The following DHX32 variants were observed in gnomAD, a reference collection of about 807,000 sequenced individuals.
The protein encoded by DHX32 is putative pre-mRNA-splicing factor ATP-dependent RNA helicase DHX32.
Under a neutral mutation model 70.0 loss-of-function variants are expected in DHX32, and 51 were observed. That is an observed-to-expected ratio of 0.73 (90% CI 0.58 to 0.92). The LOEUF is 0.92. Ranked by LOEUF, DHX32 falls within the 40% of genes least tolerant of loss-of-function variation. The probability of loss-of-function intolerance (pLI) is 0.00; values close to 1 mark genes in which losing one functional copy is unlikely to be tolerated. For missense variants in DHX32, 762 were observed against 891.8 expected, an observed-to-expected ratio of 0.85 and a Z score of 1.85; for synonymous variants, 310 against 315.3, an observed-to-expected ratio of 0.98 and a Z score of 0.18.
chr10:125,837,501 C>T (rs908781867), intron 10 of DHX32, among the ~76,000 whole-genome samples: 4 of 152,186 alleles, frequency 2.6e-5, no homozygotes, highest in Non-Finnish European at 4.4e-5. Flanking sequence ...GACAGTACCT[C>T]ACTGCAGCCT....
In DHX32 at chr10:125,867,189, G is replaced by A; in HGVS notation, c.283-6C>T. 1 of 1,588,676 alleles carries A rather than the reference G, an allele frequency of 6.3e-7. No homozygotes were observed. Among genetic ancestry groups the A allele is most frequent in the Admixed American group, 1.8e-5 (1 of 55,682 alleles). The stretch of plus-strand genomic sequence containing the variant: ...TCAGCACACCACTGAGGAACCTGTA[G>A]CAGGAAAAAATGAGACAGGATCAGC... On this transcript the variant is annotated splice_region_variant and splice_polypyrimidine_tract_variant and intron_variant, in intron 1 of 10. Transcript: ENST00000284690.
At chr10:125,871,776 A>C (rs546590141) in intron 1 of DHX32, among the ~76,000 whole-genome samples, 60 of 152,318 alleles carry the variant, frequency 3.9e-4, no homozygotes, top group Non-Finnish European at 6.6e-4. Context: ...GCAGCTTTAC[A>C]AAGAACTCTT....
chr10:125,864,415 A>T (rs1044980446), intron 2 of DHX32, among the ~76,000 whole-genome samples: 35 of 152,160 alleles, frequency 2.3e-4, no homozygotes, highest in African/African-American at 8.0e-4. Context: ...ACCACACCTG[A>T]AGCAACTGTC....
At chr10:125,873,414 G>A (rs1339189153) in intron 1 of DHX32, among the ~76,000 whole-genome samples, 2 of 152,136 alleles carry the variant, frequency 1.3e-5, no homozygotes, top group Admixed American at 6.5e-5. Context: ...TTGATCATCA[G>A]GACGTCCATC....
At chr10:125,863,615 T>A (rs1238691177) in intron 2 of DHX32, among the ~76,000 whole-genome samples, 1 of 151,750 alleles carries the variant, frequency 6.6e-6, no homozygotes, top group Admixed American at 6.6e-5. Flanking sequence ...TCCCAGCTAA[T>A]TTTTTTTGTA....
chr10:125,862,165 A>C lies in DHX32; in HGVS notation c.477-2190T>G, dbSNP rs573715361. ...AGATTTAAACCCAGATAGTTGTTCT[A>C]TCTGTTGTCACTGTCAAATTATAAC... On this transcript the variant is annotated intron_variant, in intron 2 of 10. Transcript: ENST00000284690. Among the ~76,000 whole-genome samples, 7 of 152,328 alleles carry C rather than the reference A, an allele frequency of 4.6e-5. No individual in the cohort carries two copies. The East Asian group carries it at 1.2e-3, about 25-fold the overall frequency.
intron 3 of DHX32, among the ~76,000 whole-genome samples, chr10:125,856,327 C>T (rs1944146175): frequency 1.3e-5 from 2 of 152,344 alleles, no homozygotes; most frequent in South Asian, 4.1e-4. Context: ...AACCTAAAAA[C>T]ACCTTTGTGA....
chr10:125,873,543 A>G (rs1589716283), intron 1 of DHX32, among the ~76,000 whole-genome samples: 1 of 152,126 alleles, frequency 6.6e-6, no homozygotes, highest in Admixed American at 6.5e-5. Flanking sequence ...CAGAATCTAC[A>G]AGTTTAAAGG....
In DHX32 at chr10:125,880,809, G is replaced by C. The variant is rs567672999; in HGVS notation, c.16C>G (p.Leu6Val). 3.5e-4 allele frequency: 556 copies of C among 1,611,060 alleles called. 9 individuals are homozygous for C. The South Asian group carries it at 5.7e-3, about 17-fold the overall frequency. ...TCAGAGGAAGAGTTTGGACACTCCA[G>C]CCCTTCTTCTTCCATCTTGTCTGAC... Reference protein sequence around the residue: MEEEGLECPNSSSEKR... With the variant: MEEEGVECPNSSSEKR... Residue 6 changes from leucine to valine, a missense_variant, in exon 1 of 11, where the codon CTG (leucine) becomes GTG (valine). Leu to Val is a conservative substitution (Grantham distance 32). Coordinates refer to ENST00000284690, the MANE Select transcript of DHX32 (RefSeq NM_018180.3).
rs1023711258 is a variant in DHX32, at chr10:125,842,885, CA to C, written c.1352-952del. The C allele has an allele frequency of 1.5e-4, 95 of 623,296 alleles. No individual in the cohort carries two copies. In the African/African-American group the frequency reaches 1.6e-3, roughly 11 times the overall value. The allele number at this position is 623,296 out of a possible 1,614,324, so 38.6% of individuals were successfully genotyped here. On this transcript the variant is annotated intron_variant, in intron 6 of 10. Coordinates refer to ENST00000284690, the MANE Select transcript of DHX32 (RefSeq NM_018180.3). ...GGTATTATATATGCTCAGTCTTTAC[CA>C]AAGTTTTTAAAAATCCATTTATTTA...
intron 1 of DHX32, among the ~76,000 whole-genome samples, chr10:125,894,146 C>A (rs1393366449): frequency 6.6e-6 from 1 of 152,268 alleles, no homozygotes; most frequent in East Asian, 1.9e-4. Flanking sequence ...TAATAACATA[C>A]TGAACATGCC....
chr10:125,886,262 C>A (rs1156857394), upstream of DHX32, among the ~76,000 whole-genome samples: 14 of 152,214 alleles, frequency 9.2e-5, no homozygotes, highest in African/African-American at 3.1e-4. Context: ...CTTCCCTGGC[C>A]ACCCTATCTA....
intron 2 of DHX32, among the ~76,000 whole-genome samples, chr10:125,860,993 C>CTG (rs1944184490): frequency 6.6e-6 from 1 of 151,766 alleles, no homozygotes; most frequent in Admixed American, 6.6e-5. Flanking sequence ...ACCTTGTGAT[C>CTG]CAGCCACCTT....
At position 125,859,787 on chromosome 10, in the gene DHX32, A is replaced by G. The variant is rs1293593474; in HGVS notation, c.665T>C (p.Ile222Thr). Residue 222 changes from isoleucine (I) to threonine (T), a missense_variant, in exon 3 of 11, where the codon ATC becomes ACC. This residue lies in a region of DHX32 where 394 missense variants were observed against 473.1 expected (regional missense o/e 0.83). Transcript: ENST00000284690. ...TCCATAATAAGAATTGAGTTTGCTG[A>G]TCAGGTGAGGTGAGGAGTTAATTAT... Reference protein sequence around the residue: ...KLIINSSPHLISKLNSYYGNV... With the variant: ...KLIINSSPHLTSKLNSYYGNV... The G allele has an allele frequency of 5.6e-6, 9 of 1,614,070 alleles. No homozygotes were observed. The highest frequency in any genetic ancestry group is 6.8e-6 in the Non-Finnish European group (8 of 1,179,994).
chr10:125,880,400 A>G (rs116875178), intron 1 of DHX32, 143 bp downstream of exon 1: 15,322 of 827,702 alleles, frequency 0.019, 215 homozygotes, highest in Non-Finnish European at 0.022. Context: ...AAAATTAGGT[A>G]CGTGATTTAA....
intron 3 of DHX32, among the ~76,000 whole-genome samples, chr10:125,855,511 C>T (rs189674116): frequency 0.017 from 2,565 of 150,332 alleles, 73 homozygotes; most frequent in African/African-American, 0.059. Flanking sequence ...TGCAGTGGCC[C>T]GATCTCAGCT....
At chr10:125,844,290 G>A (rs575768693) in intron 6 of DHX32, among the ~76,000 whole-genome samples, 2 of 152,246 alleles carry the variant, frequency 1.3e-5, no homozygotes, top group Non-Finnish European at 2.9e-5. Context: ...AAGCTTTTCA[G>A]AAACCAGTTT....
Position 125,880,960 on chromosome 10 carries a change from T to C in DHX32, c.-136A>G. 9.1e-7 allele frequency: 1 copy of C among 1,100,516 alleles called. No homozygotes were observed. The highest frequency in any genetic ancestry group is 1.3e-6 in the Non-Finnish European group (1 of 779,060). 68.2% of individuals were successfully genotyped at this position (1,100,516 alleles called of 1,614,324 possible). On this transcript the variant is annotated 5_prime_UTR_variant, in exon 1 of 11. Coordinates refer to ENST00000284690, the MANE Select transcript of DHX32 (RefSeq NM_018180.3). ...AATCTCTAAGACTTCAGTTCAAGGT[T>C]TTAGCAAGTTAAATTCCTCAAACCT...
intron 1 of DHX32, among the ~76,000 whole-genome samples, chr10:125,887,965 T>C (rs1944349111): frequency 6.6e-6 from 1 of 152,166 alleles, no homozygotes; most frequent in African/African-American, 2.4e-5. Context: ...ATATTAAAAA[T>C]GAAATAACAC....
Sources: allele counts gnomAD v4.1 joint callset (sites outside exome capture counted in the v4.1 genomes callset), GRCh38; gene constraint gnomAD v4.1.1; regional missense constraint gnomAD v4.1.1; transcripts MANE v1.5; gene names NCBI Gene and HGNC (gene_info 2026-07-23, HGNC 2026-07-21).